The following RORB variants were observed in gnomAD, a reference collection of about 807,000 sequenced individuals.
RORB encodes nuclear receptor ROR-beta.
A neutral mutation model predicts 59.1 loss-of-function variants in RORB; 6 were observed. The observed-to-expected ratio is 0.10, with a 90% confidence interval of 0.06 to 0.20. RORB has a LOEUF of 0.20. RORB is among the 10% of genes least tolerant of loss of function. RORB has a pLI of 1.00. For synonymous variants in RORB, 215 were observed against 204.5 expected (o/e 1.05, Z -0.44); for missense variants, 320 against 560.5 (o/e 0.57, Z 4.33).
chr9:74,679,413 C>T (rs868805605), intron 9 of RORB, among the ~76,000 whole-genome samples: 4 of 152,206 alleles, frequency 2.6e-5, no homozygotes, highest in African/African-American at 7.2e-5. Context: ...CAAAGCTTCC[C>T]TCAGGCTTCC....
chr9:74,618,786 A>G (rs1823355455), intron 1 of RORB, among the ~76,000 whole-genome samples: 1 of 152,098 alleles, frequency 6.6e-6, no homozygotes, highest in African/African-American at 2.4e-5. Flanking sequence ...GGGGGGTGGA[A>G]GGCCAAAGGT....
chr9:74,530,504 A>G (rs1826221554), intron 1 of RORB, among the ~76,000 whole-genome samples: 1 of 152,004 alleles, frequency 6.6e-6, no homozygotes, highest in Admixed American at 6.6e-5. Flanking sequence ...CAAGTAGAGG[A>G]AAAATTGTCA....
chr9:74,660,666 C>T lies in RORB; in HGVS notation c.687C>T (p.Tyr229=). The change falls in exon 5 of 10, where the codon TAC becomes TAT. Residue 229 remains tyrosine, a synonymous_variant. Transcript: ENST00000376896. ...AGTCCCATTTGGAGACATGTCAATACACCATGGAAGAGCTGCACCAGCTGG... is the reference window on the plus strand; with the variant it reads ...AGTCCCATTTGGAGACATGTCAATATACCATGGAAGAGCTGCACCAGCTGG... ...IIKSHLETCQ[Y]TMEELHQLAW... 6.2e-7 allele frequency: 1 copy of T among 1,613,718 alleles called. No homozygotes were observed. Among genetic ancestry groups the T allele is most frequent in the Non-Finnish European group, 8.5e-7 (1 of 1,179,720 alleles).
rs946790949 is a variant in RORB at position 74,690,832 on chromosome 9, A to G, written c.*5214A>G. 6.6e-6 allele frequency: 1 copy of G among 152,184 alleles called. No homozygotes were observed. The highest frequency in any genetic ancestry group is 2.4e-5 in the African/African-American group (1 of 41,452). The allele number at this position is 152,184 out of a possible 1,614,324, so 9.4% of individuals were successfully genotyped here. A position where few individuals can be genotyped will look rare whatever the true frequency, so the allele number is the denominator to read the frequency against. On this transcript the variant is annotated 3_prime_UTR_variant, in exon 10 of 10. Transcript: ENST00000376896. ...GTGATGGCTTATAAAAGACACTCCAACTTGTCTTGCCCAAACTCCCTTCTT... is the reference window on the plus strand; with the variant it reads ...GTGATGGCTTATAAAAGACACTCCAGCTTGTCTTGCCCAAACTCCCTTCTT...
chr9:74,647,157 C>T (rs760136586), intron 4 of RORB, among the ~76,000 whole-genome samples: 1 of 152,106 alleles, frequency 6.6e-6, no homozygotes. Flanking sequence ...TTCAAACTGG[C>T]GTGATGGATG....
intron 1 of RORB, among the ~76,000 whole-genome samples, chr9:74,500,772 G>A (rs1374463299): frequency 1.3e-5 from 2 of 152,200 alleles, no homozygotes; most frequent in Non-Finnish European, 2.9e-5. Flanking sequence ...AAAGAAAGGG[G>A]TTAAGAGTCC....
chr9:74,615,992 C>T (rs1356967837), intron 1 of RORB, among the ~76,000 whole-genome samples: 1 of 152,028 alleles, frequency 6.6e-6, no homozygotes, highest in African/African-American at 2.4e-5. Context: ...ATCAGCATTG[C>T]TATCATGTTG....
intron 4 of RORB, among the ~76,000 whole-genome samples, chr9:74,656,018 C>T (rs1320864983): frequency 1.3e-5 from 2 of 152,204 alleles, no homozygotes; most frequent in African/African-American, 4.8e-5. Context: ...TTTCCCACCA[C>T]AAGGATATGG....
intron 1 of RORB, among the ~76,000 whole-genome samples, chr9:74,559,455 A>G (rs992987126): frequency 6.6e-6 from 1 of 152,136 alleles, no homozygotes; most frequent in African/African-American, 2.4e-5. Flanking sequence ...ACCCAGACCC[A>G]TGAAACCCAT....
intron 1 of RORB, among the ~76,000 whole-genome samples, chr9:74,539,492 AT>A (rs1826371616): frequency 6.6e-6 from 1 of 152,294 alleles, no homozygotes; most frequent in South Asian, 2.1e-4. Context: ...GGAACTTTCT[AT>A]TCATAACTTT....
chr9:74,542,308 A>C (rs1254957328), intron 1 of RORB, among the ~76,000 whole-genome samples: 1 of 152,230 alleles, frequency 6.6e-6, no homozygotes, highest in Non-Finnish European at 1.5e-5. Flanking sequence ...CATATTATGT[A>C]AGTGATAAGC....
intron 1 of RORB, among the ~76,000 whole-genome samples, chr9:74,587,778 C>T (rs149105006): frequency 1.3e-5 from 2 of 152,298 alleles, no homozygotes; most frequent in African/African-American, 4.8e-5. Context: ...TGTGTGCACA[C>T]ATGTCAATCT....
rs895619375 is a variant in RORB at position 74,668,775 on chromosome 9, C to T, written c.1111+874C>T. On this transcript the variant is annotated intron_variant, in intron 8 of 9. Transcript: ENST00000376896. Reference sequence around the variant, plus strand: ...AAGGAGGAAGAGGAGGGTTTGGTCTCGCAGTCCCAGGGTGGCAGAAACAGA... The same window carrying T: ...AAGGAGGAAGAGGAGGGTTTGGTCTTGCAGTCCCAGGGTGGCAGAAACAGA... Among the ~76,000 whole-genome samples the T allele has an allele frequency of 9.2e-5, 14 of 152,222 alleles. No individual in the cohort carries two copies. The South Asian group carries it at 1.0e-3, about 11-fold the overall frequency.
At chr9:74,554,618 G>A (rs182068238) in intron 1 of RORB, among the ~76,000 whole-genome samples, 1 of 151,944 alleles carries the variant, frequency 6.6e-6, no homozygotes, top group Non-Finnish European at 1.5e-5. Flanking sequence ...ATCTTCACAA[G>A]CATTTATCTG....
rs984920147 is a variant in RORB at position 74,691,627 on chromosome 9, G to T, written c.*6009G>T. ...TCTGTAATTTTTGCTGTAAATAACT[G>T]GAGACGGTGAGTACACTGATTTTTC... On this transcript the variant is annotated 3_prime_UTR_variant, in exon 10 of 10. Coordinates refer to ENST00000376896, the MANE Select transcript of RORB (RefSeq NM_006914.4). 1.3e-5 allele frequency: 2 copies of T among 152,116 alleles called. No homozygotes were observed. Among genetic ancestry groups the T allele is most frequent in the African/African-American group, 2.4e-5 (1 of 41,406 alleles). The allele number at this position is 152,116 out of a possible 1,614,324, so 9.4% of individuals were successfully genotyped here. A position where few individuals can be genotyped will look rare whatever the true frequency, so the allele number is the denominator to read the frequency against.
intron 1 of RORB, among the ~76,000 whole-genome samples, chr9:74,537,752 A>G (rs1312853356): frequency 6.6e-6 from 1 of 152,106 alleles, no homozygotes; most frequent in Non-Finnish European, 1.5e-5. Flanking sequence ...GCCACATAGC[A>G]ACATTTTGGT....
rs1045144598 is a variant in RORB, at chr9:74,690,837, T to C, written c.*5219T>C. 3.9e-5 allele frequency: 6 copies of C among 152,090 alleles called. No homozygotes were observed. The highest frequency in any genetic ancestry group is 8.8e-5 in the Non-Finnish European group (6 of 68,014). The allele number at this position is 152,090 out of a possible 1,614,324, so 9.4% of individuals were successfully genotyped here. A position where few individuals can be genotyped will look rare whatever the true frequency, so the allele number is the denominator to read the frequency against. On this transcript the variant is annotated 3_prime_UTR_variant, in exon 10 of 10. Transcript: ENST00000376896. ...GGCTTATAAAAGACACTCCAACTTG[T>C]CTTGCCCAAACTCCCTTCTTCATAG... is the stretch of plus-strand genomic sequence containing the variant.
chr9:74,634,865 G>A, intron 3 of RORB, 93 bp downstream of exon 3: 1 of 1,166,736 alleles, frequency 8.6e-7, no homozygotes, highest in Non-Finnish European at 1.2e-6. Flanking sequence ...TCTAGATGAG[G>A]GAATTGGGGA....
chr9:74,516,278 G>A (rs1826009312), intron 1 of RORB, among the ~76,000 whole-genome samples: 1 of 151,970 alleles, frequency 6.6e-6, no homozygotes, highest in African/African-American at 2.4e-5. Context: ...GCTTAACATT[G>A]TTCTTGAATT....
Sources: gnomAD v4.1 joint callset for allele counts (sites outside exome capture counted in the v4.1 genomes callset) on GRCh38, gnomAD v4.1.1 for gene constraint, MANE v1.5 for transcripts, NCBI Gene and HGNC (gene_info 2026-07-23, HGNC 2026-07-21) for gene names.